ARHGAP5: variants seen among roughly 807,000 people sequenced by gnomAD.
The protein encoded by ARHGAP5 is Rho GTPase activating protein 5.
In ARHGAP5, 23 loss-of-function variants were observed where a neutral mutation model predicts 116.6. The ratio of observed to expected loss-of-function variants is 0.20; its 90% confidence interval spans 0.14 to 0.28. The LOEUF (loss-of-function observed/expected upper bound fraction) is 0.28, where lower values mean the gene tolerates loss of function less well. Among genes scored for constraint, ARHGAP5 ranks in the 10% least tolerant of loss-of-function variants. ARHGAP5 has a pLI of 1.00. For synonymous variants in ARHGAP5, 574 were observed against 602.0 expected (o/e 0.95, Z 0.68); for missense variants, 1,405 against 1,774.8 (o/e 0.79, Z 3.74).
chr14:32,148,703 G>A (rs959624874), intron 4 of ARHGAP5, among the ~76,000 whole-genome samples: 4 of 152,096 alleles, frequency 2.6e-5, no homozygotes, highest in African/African-American at 4.8e-5. Flanking sequence ...AGGGCAAAAT[G>A]TTAACAATTG....
intron 2 of ARHGAP5, among the ~76,000 whole-genome samples, chr14:32,097,455 T>TAGGAAC (rs1267705663): frequency 6.6e-6 from 1 of 152,124 alleles, no homozygotes; most frequent in African/African-American, 2.4e-5. Context: ...ACTGCTAAAT[T>TAGGAAC]AGGAACAGGT....
rs978741677 is a variant in ARHGAP5, at chr14:32,155,833, A to T, written c.*885A>T. 7.2e-5 allele frequency: 11 copies of T among 152,702 alleles called. No individual in the cohort carries two copies. Among genetic ancestry groups the T allele is most frequent in the African/African-American group, 2.6e-4 (11 of 41,584 alleles). 9.5% of individuals were successfully genotyped at this position (152,702 alleles called of 1,614,324 possible). A position where few individuals can be genotyped will look rare whatever the true frequency, so the allele number is the denominator to read the frequency against. ...TAGAAAATACTTCCATGACATTTTC[A>T]TATAAGGTTATATAACTTTTCATAC... On this transcript the variant is annotated 3_prime_UTR_variant, in exon 7 of 7. Coordinates refer to ENST00000345122, the MANE Select transcript of ARHGAP5 (RefSeq NM_001030055.2).
Position 32,093,797 on chromosome 14 carries a change from A to T in ARHGAP5, c.3128A>T (p.Lys1043Ile). 1 of 1,613,984 alleles carries T rather than the reference A, an allele frequency of 6.2e-7. No individual in the cohort carries two copies. The highest frequency in any genetic ancestry group is 8.5e-7 in the Non-Finnish European group (1 of 1,179,950). The change falls in exon 2 of 7, where the codon AAA (lysine) becomes ATA (isoleucine). Residue 1043 changes from lysine to isoleucine, a missense_variant. Lys to Ile is a moderately radical substitution (Grantham distance 102). Transcript: ENST00000345122. Reference protein sequence around the residue: ...NHKVPPPIKPKPVVPKTNVKK... With the variant: ...NHKVPPPIKPIPVVPKTNVKK... ...AAAGTGCCTCCACCTATTAAACCTA[A>T]ACCAGTTGTACCTAAGACAAATGTG...
intron 2 of ARHGAP5, among the ~76,000 whole-genome samples, chr14:32,104,586 C>T (rs537913195): frequency 3.3e-5 from 5 of 152,264 alleles, no homozygotes; most frequent in African/African-American, 1.2e-4. Flanking sequence ...GCTGGGTCCC[C>T]TGAAGGCTTC....
At chr14:32,080,882 T>C (rs112140156) in intron 1 of ARHGAP5, among the ~76,000 whole-genome samples, 5 of 152,318 alleles carry the variant, frequency 3.3e-5, no homozygotes, top group African/African-American at 1.2e-4. Context: ...TTTTACTTCA[T>C]AGAATTATTA....
chr14:32,108,192 T>G (rs1329610011), intron 2 of ARHGAP5, among the ~76,000 whole-genome samples: 1 of 152,076 alleles, frequency 6.6e-6, no homozygotes, highest in African/African-American at 2.4e-5. Flanking sequence ...ATGGGAAAAG[T>G]AGAGACAATG....
intron 5 of ARHGAP5, among the ~76,000 whole-genome samples, chr14:32,151,092 G>C (rs1360503792): frequency 2.6e-5 from 4 of 152,028 alleles, no homozygotes; most frequent in Admixed American, 2.6e-4. Context: ...TTGTCACAAG[G>C]TATAGTTGCC....
chr14:32,124,163 C>G (rs1880032175), intron 3 of ARHGAP5, among the ~76,000 whole-genome samples: 1 of 152,194 alleles, frequency 6.6e-6, no homozygotes, highest in African/African-American at 2.4e-5. Flanking sequence ...CACCTCAAAA[C>G]TCTCCAGACA....
chr14:32,131,694 A>T (rs1009415168), intron 3 of ARHGAP5, among the ~76,000 whole-genome samples: 4 of 152,162 alleles, frequency 2.6e-5, no homozygotes, highest in African/African-American at 9.7e-5. Context: ...TTAACTGGTC[A>T]TTTAGCATCA....
chr14:32,090,082 A>G (rs1230413351), intron 1 of ARHGAP5, among the ~76,000 whole-genome samples: 1 of 151,938 alleles, frequency 6.6e-6, no homozygotes, highest in Non-Finnish European at 1.5e-5. Context: ...TGTAAAAAGC[A>G]GGTTGTTTTG....
At chr14:32,152,303 C>T (rs1173917455) in intron 5 of ARHGAP5, 120 bp from the exon 6 acceptor site, 1 of 705,256 alleles carries the variant, frequency 1.4e-6, no homozygotes, top group Admixed American at 3.6e-5. Flanking sequence ...ATTTTGTTTA[C>T]CTATCCTAAT....
At chr14:32,102,214 TGA>T (rs1256645332) in intron 2 of ARHGAP5, among the ~76,000 whole-genome samples, 1 of 152,222 alleles carries the variant, frequency 6.6e-6, no homozygotes, top group African/African-American at 2.4e-5. Flanking sequence ...GGGGAGAAAG[TGA>T]GAGTCACCTT....
At chr14:32,116,477 C>T (rs1474152214) in intron 2 of ARHGAP5, among the ~76,000 whole-genome samples, 2 of 151,552 alleles carry the variant, frequency 1.3e-5, no homozygotes, top group East Asian at 1.9e-4. Flanking sequence ...CCTGTAGTCC[C>T]AGCTACTTGG....
chr14:32,121,013 C>CTTTTTATGTCT (rs1555357837), intron 3 of ARHGAP5, among the ~76,000 whole-genome samples: 4 of 104,966 alleles, frequency 3.8e-5, no homozygotes, highest in Non-Finnish European at 5.2e-5. Flanking sequence ...AGGATTATGT[C>CTTTTTATGTCT]TTTTTTTTTT....
chr14:32,103,901 G>A (rs1262192851), intron 2 of ARHGAP5, among the ~76,000 whole-genome samples: 1 of 152,116 alleles, frequency 6.6e-6, no homozygotes, highest in African/African-American at 2.4e-5. Context: ...AAAATATAAG[G>A]ATATGACAAA....
intron 1 of ARHGAP5, among the ~76,000 whole-genome samples, chr14:32,086,003 C>T (rs1158205256): frequency 6.6e-6 from 1 of 152,084 alleles, no homozygotes; most frequent in Non-Finnish European, 1.5e-5. Flanking sequence ...ATGTGGGAGG[C>T]ACTGTTGTAG....
chr14:32,084,122 A>C lies in ARHGAP5; in HGVS notation c.-168-6380A>C, dbSNP rs542546025. ...ATCAGAGTAGGGTGTACATTAAATA[A>C]TAGGGTAGAAGTTAATGTGTTTGGG... On this transcript the variant is annotated intron_variant, in intron 1 of 6. Transcript: ENST00000345122. 3.3e-5 allele frequency among the ~76,000 whole-genome samples: 5 copies of C among 152,336 alleles called. No individual in the cohort carries two copies. The East Asian group carries it at 9.6e-4, about 29-fold the overall frequency.
chr14:32,123,513 TA>T (rs1746063569), intron 3 of ARHGAP5, among the ~76,000 whole-genome samples: 1 of 152,040 alleles, frequency 6.6e-6, no homozygotes, highest in African/African-American at 2.4e-5. Context: ...TTTGGTTTAC[TA>T]ATTCTGTTCT....
intron 1 of ARHGAP5, among the ~76,000 whole-genome samples, chr14:32,078,765 C>T (rs1000519345): frequency 2.0e-5 from 3 of 152,158 alleles, no homozygotes; most frequent in Non-Finnish European, 2.9e-5. Flanking sequence ...ACAAAAATTT[C>T]ATCTAGATGC....
Sources: allele counts gnomAD v4.1 joint callset (sites outside exome capture counted in the v4.1 genomes callset), GRCh38; gene constraint gnomAD v4.1.1; transcripts MANE v1.5; gene names NCBI Gene and HGNC (gene_info 2026-07-23, HGNC 2026-07-21).